Variants in CDH13 observed in about 807,000 individuals in gnomAD.
CDH13 encodes the protein cadherin 13.
CDH13 carries 24 observed loss-of-function variants against 63.8 expected under a neutral mutation model. That is an observed-to-expected ratio of 0.38 (90% CI 0.27 to 0.53). The LOEUF (loss-of-function observed/expected upper bound fraction) is 0.53, where lower values mean the gene tolerates loss of function less well. CDH13 is among the 20% of genes least tolerant of loss of function. CDH13 has a pLI of 0.85. For synonymous variants in CDH13, 503 were observed against 355.3 expected (o/e 1.42, Z -4.67); for missense variants, 1,049 against 903.1 (o/e 1.16, Z -2.07).
chr16:82,722,281 G>C (rs191394489), intron 1 of CDH13, among the ~76,000 whole-genome samples: 76 of 152,252 alleles, frequency 5.0e-4, no homozygotes, highest in Non-Finnish European at 9.3e-4. Flanking sequence ...CTTGAATCTT[G>C]TTAAATGGTT....
At chr16:83,414,675 C>G (rs759775609) in intron 6 of CDH13, among the ~76,000 whole-genome samples, 4 of 152,178 alleles carry the variant, frequency 2.6e-5, no homozygotes, top group African/African-American at 7.2e-5. Flanking sequence ...CAGTATTAGT[C>G]TTTCTGAGAC....
intron 1 of CDH13, chr16:82,639,259 G>GGCC: frequency 1.5e-6 from 1 of 682,248 alleles, no homozygotes; most frequent in East Asian, 2.9e-5. Context: ...AGTGGGTCTG[G>GGCC]GCCCTGGACT....
chr16:82,677,247 T>C (rs755821644), intron 1 of CDH13, among the ~76,000 whole-genome samples: 1 of 152,240 alleles, frequency 6.6e-6, no homozygotes, highest in Non-Finnish European at 1.5e-5. Flanking sequence ...TCATCCTTTG[T>C]ATTTCAGGTC....
chr16:82,786,494 TTTTG>T (rs2036015144), intron 1 of CDH13, among the ~76,000 whole-genome samples: 1 of 132,176 alleles, frequency 7.6e-6, no homozygotes, highest in South Asian at 2.9e-4. Flanking sequence ...TTTCTTCTTC[TTTTG>T]TGTGTGTGTG....
chr16:82,639,262 C>A, intron 1 of CDH13: 1 of 728,438 alleles, frequency 1.4e-6, no homozygotes, highest in South Asian at 2.3e-5. Context: ...GGGTCTGGGC[C>A]CTGGACTTCC....
At chr16:83,347,270 T>C (rs1005692596) in intron 6 of CDH13, among the ~76,000 whole-genome samples, 4 of 151,156 alleles carry the variant, frequency 2.6e-5, no homozygotes, top group African/African-American at 9.7e-5. Flanking sequence ...ATTTCCATTA[T>C]GCTCTGCTCA....
At chr16:83,469,851 A>T (rs1246839247) in intron 6 of CDH13, among the ~76,000 whole-genome samples, 1 of 152,214 alleles carries the variant, frequency 6.6e-6, no homozygotes, top group East Asian at 1.9e-4. Context: ...AATGTATGAG[A>T]TTCTTGGATA....
chr16:83,577,118 T>C (rs189898499), intron 7 of CDH13, among the ~76,000 whole-genome samples: 2 of 152,334 alleles, frequency 1.3e-5, no homozygotes, highest in East Asian at 3.9e-4. Flanking sequence ...GGAATCAGTC[T>C]GTTGATTGGC....
rs574227110 is a variant in CDH13 at position 82,892,577 on chromosome 16, A to G, written c.157+34104A>G. ...TTGGAAGGGCAAAACAGTTATTTCAATGTACAAATTATTGCCTCATTACTT... is the reference window on the plus strand; with the variant it reads ...TTGGAAGGGCAAAACAGTTATTTCAGTGTACAAATTATTGCCTCATTACTT... On this transcript the variant is annotated intron_variant, in intron 2 of 13. Transcript: ENST00000567109. 1.2e-4 allele frequency among the ~76,000 whole-genome samples: 19 copies of G among 152,348 alleles called. No homozygotes were observed. The East Asian group carries it at 3.1e-3, about 25-fold the overall frequency.
chr16:82,934,336 T>C (rs1055195898), intron 2 of CDH13, among the ~76,000 whole-genome samples: 4 of 152,198 alleles, frequency 2.6e-5, no homozygotes, highest in Non-Finnish European at 5.9e-5. Flanking sequence ...TGGCCCCTTT[T>C]ATCCATGGCT....
At chr16:82,890,267 C>A (rs1330037350) in intron 2 of CDH13, among the ~76,000 whole-genome samples, 1 of 152,158 alleles carries the variant, frequency 6.6e-6, no homozygotes, top group Non-Finnish European at 1.5e-5. Context: ...AGATCTTCAA[C>A]AATAGCCATC....
At chr16:83,320,855 C>T (rs1180214134) in intron 5 of CDH13, among the ~76,000 whole-genome samples, 2 of 152,078 alleles carry the variant, frequency 1.3e-5, no homozygotes, top group East Asian at 1.9e-4. Flanking sequence ...TTGGAAGTTA[C>T]CGAACAGATT....
chr16:83,610,721 G>A (rs989916934), intron 8 of CDH13, among the ~76,000 whole-genome samples: 3 of 152,092 alleles, frequency 2.0e-5, no homozygotes, highest in Non-Finnish European at 2.9e-5. Context: ...TACTACATGT[G>A]GGCATTTGGG....
At chr16:83,494,971 T>C (rs750547654) in intron 7 of CDH13, among the ~76,000 whole-genome samples, 9 of 152,210 alleles carry the variant, frequency 5.9e-5, no homozygotes, top group Non-Finnish European at 1.2e-4. Context: ...ATCTATTGCA[T>C]TGGAGGTCAG....
intron 4 of CDH13, among the ~76,000 whole-genome samples, chr16:83,127,002 T>C (rs984385220): frequency 6.6e-6 from 1 of 152,116 alleles, no homozygotes; most frequent in African/African-American, 2.4e-5. Context: ...CAGATGGCTG[T>C]GATGGCTGGT....
At chr16:83,382,596 G>A (rs1220236827) in intron 6 of CDH13, among the ~76,000 whole-genome samples, 1 of 152,080 alleles carries the variant, frequency 6.6e-6, no homozygotes, top group African/African-American at 2.4e-5. Context: ...CAAGAAATGA[G>A]CACTGAAACA....
chr16:83,483,713 C>T (rs1227871261), intron 6 of CDH13, among the ~76,000 whole-genome samples: 2 of 152,142 alleles, frequency 1.3e-5, no homozygotes, highest in African/African-American at 2.4e-5. Context: ...CATGGAGCTC[C>T]CTTTAGCATG....
chr16:82,927,801 G>A (rs573442773), intron 2 of CDH13, among the ~76,000 whole-genome samples: 6 of 152,294 alleles, frequency 3.9e-5, no homozygotes, highest in East Asian at 1.9e-4. Context: ...ACACACAGCC[G>A]ATCATCAACA....
chr16:83,660,567 A>G (rs1374570876), intron 8 of CDH13, among the ~76,000 whole-genome samples: 1 of 152,234 alleles, frequency 6.6e-6, no homozygotes, highest in African/African-American at 2.4e-5. Context: ...CTAACAGGCT[A>G]CAGACCAGTA....
Sources: allele counts gnomAD v4.1 joint callset (sites outside exome capture counted in the v4.1 genomes callset), GRCh38; gene constraint gnomAD v4.1.1; transcripts MANE v1.5; gene names NCBI Gene and HGNC (gene_info 2026-07-23, HGNC 2026-07-21).